Variants in LRP1B observed in about 807,000 individuals in gnomAD.
LRP1B encodes low-density lipoprotein receptor-related protein 1B.
A neutral mutation model predicts 556.6 loss-of-function variants in LRP1B; 217 were observed. That is an observed-to-expected ratio of 0.39 (90% confidence interval 0.35 to 0.44). The LOEUF is 0.44. LRP1B is among the 20% of genes least tolerant of loss of function. The pLI is 1.00. For synonymous variants in LRP1B, 2,047 were observed against 1,865.8 expected, an observed-to-expected ratio of 1.10 and a Z score of -2.50; for missense variants, 5,053 against 5,620.8, an observed-to-expected ratio of 0.90 and a Z score of 3.23.
At chr2:140,798,035 A>G (rs577021336) in intron 32 of LRP1B, among the ~76,000 whole-genome samples, 89 of 151,412 alleles carry the variant, frequency 5.9e-4, no homozygotes, top group African/African-American at 2.1e-3. Flanking sequence ...CCAACTCTAC[A>G]CTCCCTAATC....
intron 2 of LRP1B, among the ~76,000 whole-genome samples, chr2:141,496,845 GA>G (rs1210207780): frequency 6.6e-6 from 1 of 151,908 alleles, no homozygotes; most frequent in Non-Finnish European, 1.5e-5. Flanking sequence ...AAAAGAAGAA[GA>G]ACCAGATATA....
rs780240678 is a variant in LRP1B at position 140,700,498 on chromosome 2, C to G, written c.6551G>C (p.Arg2184Thr). 14 of 1,613,302 alleles carry G rather than the reference C, an allele frequency of 8.7e-6. No individual in the cohort carries two copies. The African/African-American group carries it at 1.2e-4, about 14-fold the overall frequency. The stretch of plus-strand genomic sequence containing the variant: ...TGAATACAGTAAATAGCCTTCATGC[C>G]TCAGGCAAGTAACTCCATCTTCTGC... ...YLAEDGVTCL[R>T]HEGYLLYSGR... is the part of the protein sequence containing the mutation. The change falls in exon 41 of 91, where the codon AGG (arginine) becomes ACG (threonine). Residue 2184 changes from arginine (R) to threonine (T), a missense_variant. Arg to Thr is a moderately conservative substitution (Grantham distance 71). Transcript: ENST00000389484.
chr2:141,380,863 C>A (rs995501486), intron 3 of LRP1B, among the ~76,000 whole-genome samples: 1 of 152,030 alleles, frequency 6.6e-6, no homozygotes, highest in Admixed American at 6.6e-5. Flanking sequence ...AGTAAGATTG[C>A]AGATGGTGGT....
intron 41 of LRP1B, among the ~76,000 whole-genome samples, chr2:140,650,586 T>C (rs987457781): frequency 6.6e-6 from 1 of 152,094 alleles, no homozygotes; most frequent in Admixed American, 6.6e-5. Context: ...TGAACTCAGG[T>C]GATCTGCCTG....
At position 141,263,484 on chromosome 2, in the gene LRP1B, C is replaced by T. The variant is rs375884561; in HGVS notation, c.344-8843G>A. On this transcript the variant is annotated intron_variant, in intron 3 of 90. Coordinates refer to ENST00000389484, the MANE Select transcript of LRP1B (RefSeq NM_018557.3). Reference sequence around the variant, plus strand: ...GAAGAAACATATAATCTGAATATCCCTATATATATAGAAGAATTGAATTTG... The same window carrying T: ...GAAGAAACATATAATCTGAATATCCTTATATATATAGAAGAATTGAATTTG... Among the ~76,000 whole-genome samples, 61 of 152,068 alleles carry T rather than the reference C, an allele frequency of 4.0e-4. 1 individual carries two copies. The highest frequency in any genetic ancestry group is 3.3e-3 in the East Asian group (17 of 5,178).
rs182701784 is a variant in LRP1B, at chr2:141,704,349, A to C, written c.205+105930T>G. Among the ~76,000 whole-genome samples the C allele has an allele frequency of 4.0e-3, 607 of 152,098 alleles. 4 individuals are homozygous for C. Among genetic ancestry groups the C allele is most frequent in the African/African-American group, 0.014 (575 of 41,544 alleles). On this transcript the variant is annotated intron_variant, in intron 2 of 90. Transcript: ENST00000389484. ...TCTACTTCTCATGTAAGGGTGGTTT[A>C]AAAGATCAACTTGAAACACAACATG...
chr2:140,684,272 A>G (rs190109087), intron 41 of LRP1B, among the ~76,000 whole-genome samples: 2 of 152,368 alleles, frequency 1.3e-5, no homozygotes, highest in Non-Finnish European at 2.9e-5. Flanking sequence ...TTTGAAATCA[A>G]TGTTCATCTT....
chr2:141,601,469 G>A (rs1177184836), intron 2 of LRP1B, among the ~76,000 whole-genome samples: 1 of 152,106 alleles, frequency 6.6e-6, no homozygotes, highest in Non-Finnish European at 1.5e-5. Flanking sequence ...CAAAAATCAG[G>A]TGACTTTTAG....
In LRP1B at chr2:140,431,857, G is replaced by A. The variant is rs545067294; in HGVS notation, c.10414+10647C>T. On this transcript the variant is annotated intron_variant, in intron 66 of 90. Transcript: ENST00000389484. Reference sequence around the variant, plus strand: ...TCCTCCTACTCTAGGTTCCCACACCGCCCCTAATCCCTCTCGAAGCAGCCC... The same window carrying A: ...TCCTCCTACTCTAGGTTCCCACACCACCCCTAATCCCTCTCGAAGCAGCCC... 8.2e-4 allele frequency among the ~76,000 whole-genome samples: 124 copies of A among 151,854 alleles called. 2 individuals are homozygous for A. Among genetic ancestry groups the A allele is most frequent in the South Asian group, 4.2e-4 (2 of 4,798 alleles).
chr2:140,991,868 G>C (rs771720014), intron 16 of LRP1B, among the ~76,000 whole-genome samples: 9 of 152,042 alleles, frequency 5.9e-5, no homozygotes, highest in Non-Finnish European at 1.3e-4. Context: ...AAAATAAAAA[G>C]GGTAAATGGA....
chr2:142,111,753 T>C (rs1207428523), intron 1 of LRP1B, among the ~76,000 whole-genome samples: 1 of 152,070 alleles, frequency 6.6e-6, no homozygotes, highest in African/African-American at 2.4e-5. Flanking sequence ...AATATTTTCA[T>C]CACACAGGAC....
intron 31 of LRP1B, among the ~76,000 whole-genome samples, chr2:140,832,612 C>A (rs1691755076): frequency 6.6e-6 from 1 of 152,086 alleles, no homozygotes; most frequent in Non-Finnish European, 1.5e-5. Flanking sequence ...AGTGTCAGGT[C>A]ATTATGTTAA....
Position 140,313,249 on chromosome 2 carries a change from CTAA to C in LRP1B, c.12805+1683_12805+1685del, listed in dbSNP as rs1216224913. Among the ~76,000 whole-genome samples, 12 of 151,908 alleles carry C rather than the reference CTAA, an allele frequency of 7.9e-5. 2 individuals carry two copies. Among genetic ancestry groups the C allele is most frequent in the African/African-American group, 2.4e-4 (10 of 41,476 alleles). On this transcript the variant is annotated intron_variant, in intron 83 of 90. Coordinates refer to ENST00000389484, the MANE Select transcript of LRP1B (RefSeq NM_018557.3). ...TCCATATGAGAACTAATTTACATTA[CTAA>C]TGAGAACTAATTTATATTATTTAAA...
intron 2 of LRP1B, among the ~76,000 whole-genome samples, chr2:141,616,336 T>A (rs1688300910): frequency 6.6e-6 from 1 of 151,802 alleles, no homozygotes; most frequent in African/African-American, 2.4e-5. Context: ...ATAAACTTTA[T>A]ATGAACAATT....
chr2:140,554,884 G>GTGTGTGTATA (rs56040453), intron 43 of LRP1B, among the ~76,000 whole-genome samples: 40,284 of 147,990 alleles, frequency 0.27, 5,976 homozygotes, highest in South Asian at 0.38. Flanking sequence ...GTGTGTGTGT[G>GTGTGTGTATA]TATATGTATA....
intron 1 of LRP1B, among the ~76,000 whole-genome samples, chr2:141,958,506 T>C (rs1701323305): frequency 2.0e-5 from 3 of 152,014 alleles, no homozygotes; most frequent in Non-Finnish European, 4.4e-5. Flanking sequence ...AAGAGTGGAC[T>C]TGACTAATCA....
chr2:141,589,595 T>C (rs143507120), intron 2 of LRP1B, among the ~76,000 whole-genome samples: 49 of 152,318 alleles, frequency 3.2e-4, no homozygotes, highest in African/African-American at 1.1e-3. Flanking sequence ...CTTGTTAAAA[T>C]TGTCAGTAAA....
At chr2:141,050,668 C>T (rs1159855553) in intron 10 of LRP1B, among the ~76,000 whole-genome samples, 1 of 152,014 alleles carries the variant, frequency 6.6e-6, no homozygotes, top group Admixed American at 6.6e-5. Flanking sequence ...TAAACCAAAA[C>T]CATAAAAATC....
intron 2 of LRP1B, among the ~76,000 whole-genome samples, chr2:141,611,392 G>C (rs1472943869): frequency 6.6e-6 from 1 of 152,154 alleles, no homozygotes; most frequent in Non-Finnish European, 1.5e-5. Flanking sequence ...TTTGATAAAA[G>C]CAAGTCAAGA....
Sources: allele counts gnomAD v4.1 joint callset (sites outside exome capture counted in the v4.1 genomes callset), GRCh38; gene constraint gnomAD v4.1.1; transcripts MANE v1.5; gene names NCBI Gene and HGNC (gene_info 2026-07-23, HGNC 2026-07-21).